Variants in GPC5 observed in about 807,000 individuals in gnomAD.
GPC5 encodes the protein glypican-5.
GPC5 carries 47 observed loss-of-function variants against 53.9 expected under a neutral mutation model. The observed-to-expected ratio is 0.87, with a 90% CI of 0.69 to 1.11. The LOEUF (loss-of-function observed/expected upper bound fraction) is 1.11. Among genes scored for constraint, GPC5 ranks in the 50% most tolerant of loss-of-function variants. GPC5 has a pLI of 0.00. For missense variants in GPC5, 748 were observed against 713.1 expected, an observed-to-expected ratio of 1.05 and a Z score of -0.56; for synonymous variants, 286 against 263.3, an observed-to-expected ratio of 1.09 and a Z score of -0.84.
intron 2 of GPC5, among the ~76,000 whole-genome samples, chr13:91,572,094 TGTGTGTATATACACACATGTATATATAC>T (rs1566516988): frequency 0.056 from 7,043 of 125,948 alleles, 489 homozygotes; most frequent in Non-Finnish European, 0.071. Context: ...TATGTACATG[TGTGTGTATATACACACATGTATATATAC>T]GTGTGTATAT....
intron 7 of GPC5, among the ~76,000 whole-genome samples, chr13:92,290,942 G>C (rs1038145707): frequency 1.3e-5 from 2 of 152,188 alleles, no homozygotes; most frequent in African/African-American, 4.8e-5. Flanking sequence ...GCCAGCGTGA[G>C]TTCTGGGTGG....
intron 7 of GPC5, among the ~76,000 whole-genome samples, chr13:92,274,839 T>A (rs535906249): frequency 4.6e-5 from 7 of 152,122 alleles, no homozygotes; most frequent in Admixed American, 6.5e-5. Context: ...TAGAAGAACA[T>A]CACAGGTCCA....
rs72636840 is a variant in GPC5 at position 92,224,254 on chromosome 13, C to A, written c.1561+79265C>A. ...GGTAATGTTATTGTTGAACCAACCTCTCTCTTCTCCTTAGAACAACGGAGA... is the reference window on the plus strand; with the variant it reads ...GGTAATGTTATTGTTGAACCAACCTATCTCTTCTCCTTAGAACAACGGAGA... On this transcript the variant is annotated intron_variant, in intron 7 of 7. Transcript: ENST00000377067. 4.6e-4 allele frequency among the ~76,000 whole-genome samples: 70 copies of A among 152,096 alleles called. 1 individual carries two copies. The South Asian group carries it at 0.014, about 30-fold the overall frequency.
chr13:91,614,485 C>T (rs749944646), intron 2 of GPC5, among the ~76,000 whole-genome samples: 6 of 152,078 alleles, frequency 3.9e-5, no homozygotes, highest in Non-Finnish European at 8.8e-5. Context: ...GTGCACACTA[C>T]TGTGCTTGGC....
intron 7 of GPC5, among the ~76,000 whole-genome samples, chr13:92,562,962 A>C (rs1184616947): frequency 6.6e-6 from 1 of 152,050 alleles, no homozygotes; most frequent in Non-Finnish European, 1.5e-5. Flanking sequence ...CCAAAGCACA[A>C]GACAGTTCAC....
At chr13:92,070,091 A>T (rs753889687) in intron 6 of GPC5, among the ~76,000 whole-genome samples, 7 of 152,124 alleles carry the variant, frequency 4.6e-5, no homozygotes, top group Non-Finnish European at 1.0e-4. Flanking sequence ...AAAGGCAGAG[A>T]TATTTGAAAT....
At chr13:91,424,512 G>A (rs1040786174) in intron 1 of GPC5, among the ~76,000 whole-genome samples, 6 of 151,816 alleles carry the variant, frequency 4.0e-5, no homozygotes, top group African/African-American at 1.2e-4. Context: ...TTACAGGCAT[G>A]TACCACCACG....
At chr13:92,226,743 C>T (rs183561960) in intron 7 of GPC5, among the ~76,000 whole-genome samples, 38 of 151,756 alleles carry the variant, frequency 2.5e-4, no homozygotes, top group East Asian at 1.2e-3. Flanking sequence ...GGATTACAGG[C>T]GCTGGCCATC....
At chr13:92,284,434 C>CA (rs897895295) in intron 7 of GPC5, among the ~76,000 whole-genome samples, 29 of 151,724 alleles carry the variant, frequency 1.9e-4, no homozygotes, top group African/African-American at 5.6e-4. Flanking sequence ...AGAGGCATAA[C>CA]AAAAAAAAGA....
At chr13:91,908,700 A>T (rs1179388806) in intron 6 of GPC5, among the ~76,000 whole-genome samples, 1 of 152,090 alleles carries the variant, frequency 6.6e-6, no homozygotes, top group African/African-American at 2.4e-5. Context: ...AGAACCAAAC[A>T]TTATGTTGCA....
Position 92,827,746 on chromosome 13 carries a change from G to A in GPC5, c.1562-38536G>A, listed in dbSNP as rs529946622. On this transcript the variant is annotated intron_variant, in intron 7 of 7. Coordinates refer to ENST00000377067, the MANE Select transcript of GPC5 (RefSeq NM_004466.6). ...CTACAGTAGCTGAAAGCCCTGATTGGGAAGTCAACAGAGCCTCTGTAGCAC... is the reference window on the plus strand; with the variant it reads ...CTACAGTAGCTGAAAGCCCTGATTGAGAAGTCAACAGAGCCTCTGTAGCAC... Among the ~76,000 whole-genome samples, 4 of 152,150 alleles carry A rather than the reference G, an allele frequency of 2.6e-5. No homozygotes were observed. The East Asian group carries it at 7.8e-4, about 29-fold the overall frequency.
intron 7 of GPC5, among the ~76,000 whole-genome samples, chr13:92,662,171 G>A (rs1205374569): frequency 6.6e-6 from 1 of 152,066 alleles, no homozygotes; most frequent in African/African-American, 2.4e-5. Flanking sequence ...CTCCCAATGT[G>A]TTTAGATTGT....
chr13:92,031,752 T>C (rs9523485), intron 6 of GPC5, among the ~76,000 whole-genome samples: 3 of 43,730 alleles, frequency 6.9e-5, no homozygotes, highest in Admixed American at 3.9e-4. Flanking sequence ...ATAATATATA[T>C]TATATTACAT....
At chr13:91,684,857 A>G (rs1191108023) in intron 2 of GPC5, among the ~76,000 whole-genome samples, 1 of 152,106 alleles carries the variant, frequency 6.6e-6, no homozygotes, top group Non-Finnish European at 1.5e-5. Flanking sequence ...TCCCCTGCCT[A>G]CTTCTCAGAC....
chr13:92,617,233 G>T (rs9301825), intron 7 of GPC5, among the ~76,000 whole-genome samples: 144,123 of 152,228 alleles, frequency 0.95, 68,294 homozygotes, highest in East Asian at 1. Context: ...CCGCTGTAAC[G>T]TCTTCTACCT....
rs143402731 is a variant in GPC5 at position 92,514,360 on chromosome 13, G to A, written c.1562-351922G>A. Among the ~76,000 whole-genome samples the A allele has an allele frequency of 9.7e-4, 147 of 152,168 alleles. No individual in the cohort carries two copies. In the East Asian group the frequency reaches 0.021, roughly 21 times the overall value. ...TACTTGGTGTGCTGTTCTAGAGAAC[G>A]CTGAATATTTATCAGAAAGAGCCCA... On this transcript the variant is annotated intron_variant, in intron 7 of 7. Coordinates refer to ENST00000377067, the MANE Select transcript of GPC5 (RefSeq NM_004466.6).
chr13:91,577,470 CT>C (rs2032180262), intron 2 of GPC5, among the ~76,000 whole-genome samples: 1 of 152,116 alleles, frequency 6.6e-6, no homozygotes, highest in African/African-American at 2.4e-5. Context: ...GGTCTGTGGA[CT>C]TTGTCTTTGG....
chr13:92,199,196 G>A (rs1031016252), intron 7 of GPC5, among the ~76,000 whole-genome samples: 7 of 152,148 alleles, frequency 4.6e-5, no homozygotes, highest in African/African-American at 1.7e-4. Flanking sequence ...TGTGATCATC[G>A]TTTGGTTAGG....
At chr13:91,976,271 T>A (rs976172884) in intron 6 of GPC5, among the ~76,000 whole-genome samples, 3 of 152,120 alleles carry the variant, frequency 2.0e-5, no homozygotes, top group African/African-American at 7.2e-5. Flanking sequence ...TAAAGTGTAA[T>A]AATAATAAAA....
Sources: gnomAD v4.1 joint callset for allele counts (sites outside exome capture counted in the v4.1 genomes callset) on GRCh38, gnomAD v4.1.1 for gene constraint, MANE v1.5 for transcripts, NCBI Gene and HGNC (gene_info 2026-07-23, HGNC 2026-07-21) for gene names.